ZNF775: variants seen among roughly 807,000 people sequenced by gnomAD.
ZNF775 encodes zinc finger protein 775.
A neutral mutation model predicts 2.4 loss-of-function variants in ZNF775; 1 was observed. That is an observed-to-expected ratio of 0.41 (90% CI 0.15 to 1.94). The LOEUF is 1.94. Among genes scored for constraint, ZNF775 ranks in the 30% most tolerant of loss-of-function variants. ZNF775 has a pLI of 0.30. For missense variants in ZNF775, 823 were observed against 826.6 expected, an observed-to-expected ratio of 1.00 and a Z score of 0.05; for synonymous variants, 381 against 373.3, an observed-to-expected ratio of 1.02 and a Z score of -0.24.
chr7:150,381,564 C>T (rs868789651), intron 1 of ZNF775, among the ~76,000 whole-genome samples: 1 of 150,334 alleles, frequency 6.7e-6, no homozygotes, highest in African/African-American at 2.5e-5. Flanking sequence ...CACCCCCCAC[C>T]GCCCCCGCCC....
At position 150,397,965 on chromosome 7, in the gene ZNF775, A is replaced by G. The variant is rs1486276304; in HGVS notation, c.1484A>G (p.Asn495Ser). Residue 495 changes from asparagine (N) to serine (S), a missense_variant, in exon 3 of 3, where the codon AAC (asparagine) becomes AGC (serine). Asn to Ser is a conservative substitution (Grantham distance 46). Transcript: ENST00000329630. Reference sequence around the variant, plus strand: ...CCCAACCTGACGCGGCACCGGCGCAACCACACAGGCGAGCGGCCCTACCTG... The same window carrying G: ...CCCAACCTGACGCGGCACCGGCGCAGCCACACAGGCGAGCGGCCCTACCTG... The part of the protein sequence containing the change: ...QKPNLTRHRR[N>S]HTGERPYLCP... The G allele has an allele frequency of 1.3e-6, 2 of 1,598,786 alleles. No individual in the cohort carries two copies. The highest frequency in any genetic ancestry group is 1.1e-5 in the South Asian group (1 of 90,704).
chr7:150,389,936 G>T (rs1205072077), intron 2 of ZNF775, among the ~76,000 whole-genome samples: 1 of 139,630 alleles, frequency 7.2e-6, no homozygotes, highest in East Asian at 2.3e-4. Context: ...CAAAATATAC[G>T]CAACACTTAC....
intron 1 of ZNF775, among the ~76,000 whole-genome samples, chr7:150,383,274 T>C (rs1800393886): frequency 6.6e-6 from 1 of 152,162 alleles, no homozygotes; most frequent in Non-Finnish European, 1.5e-5. Flanking sequence ...TCCTGAGGGA[T>C]TTCTTAATAG....
At chr7:150,386,978 G>A (rs978006701) in intron 1 of ZNF775, among the ~76,000 whole-genome samples, 1 of 152,172 alleles carries the variant, frequency 6.6e-6, no homozygotes, top group African/African-American at 2.4e-5. Flanking sequence ...GAAACGGGAG[G>A]TGGAGTTAGG....
chr7:150,380,621 G>A (rs1800344684), intron 1 of ZNF775, among the ~76,000 whole-genome samples: 1 of 152,240 alleles, frequency 6.6e-6, no homozygotes, highest in Non-Finnish European at 1.5e-5. Flanking sequence ...GATGGGGCGT[G>A]TCGGGGTGCA....
chr7:150,392,012 C>G (rs1016692825), intron 2 of ZNF775, among the ~76,000 whole-genome samples: 1 of 152,086 alleles, frequency 6.6e-6, no homozygotes, highest in African/African-American at 2.4e-5. Context: ...CTGCACCTGG[C>G]GGAAATTCCC....
chr7:150,398,223 T>C lies in ZNF775; in HGVS notation c.*128T>C. On this transcript the variant is annotated 3_prime_UTR_variant, in exon 3 of 3. Coordinates refer to ENST00000329630, the MANE Select transcript of ZNF775 (RefSeq NM_173680.4). ...GCGGGACCGGTGGATTCCTTAAGGCTCTGAAGGGCTGAGAACAGTTCTAGA... is the reference window on the plus strand; with the variant it reads ...GCGGGACCGGTGGATTCCTTAAGGCCCTGAAGGGCTGAGAACAGTTCTAGA... 1.4e-6 allele frequency: 2 copies of C among 1,387,658 alleles called. No individual in the cohort carries two copies. The highest frequency in any genetic ancestry group is 2.5e-5 in the East Asian group (1 of 39,710). The allele number at this position is 1,387,658 out of a possible 1,614,324, so 86.0% of individuals were successfully genotyped here.
chr7:150,381,656 T>C (rs1800363911), intron 1 of ZNF775, among the ~76,000 whole-genome samples: 1 of 149,178 alleles, frequency 6.7e-6, no homozygotes, highest in Non-Finnish European at 1.5e-5. Flanking sequence ...AGAAGGAAAG[T>C]GGTTTGCCTG....
chr7:150,380,723 GA>G (rs1243571661), intron 1 of ZNF775, among the ~76,000 whole-genome samples: 2 of 152,186 alleles, frequency 1.3e-5, no homozygotes, highest in African/African-American at 2.4e-5. Context: ...CTGGGTTTCT[GA>G]AAAACAACTC....
At position 150,391,134 on chromosome 7, in the gene ZNF775, C is replaced by T. The variant is rs969021953; in HGVS notation, c.31+2633C>T. The stretch of plus-strand genomic sequence containing the variant: ...AGCGTTTGTCTATTCTATATCTGCA[C>T]ATATTTTTTCCTGGACTTGCACTGT... On this transcript the variant is annotated intron_variant, in intron 2 of 2. Transcript: ENST00000329630. Among the ~76,000 whole-genome samples, 6 of 152,212 alleles carry T rather than the reference C, an allele frequency of 3.9e-5. No individual in the cohort carries two copies. In the South Asian group the frequency reaches 6.2e-4, roughly 16 times the overall value.
Position 150,397,825 on chromosome 7 carries a change from C to A in ZNF775, c.1344C>A (p.Cys448Ter). 1 of 1,597,858 alleles carries A rather than the reference C, an allele frequency of 6.3e-7. No homozygotes were observed. ...AGPGEPRQFI[C>*]NECGKSFSWW... ...CTGGCGAGCCGCGCCAGTTCATCTGCAACGAGTGCGGCAAGAGCTTCTCGT... is the reference window on the plus strand; with the variant it reads ...CTGGCGAGCCGCGCCAGTTCATCTGAAACGAGTGCGGCAAGAGCTTCTCGT... Residue 448 changes from cysteine (C) to a stop codon, truncating the protein, a stop_gained, in exon 3 of 3, where the codon TGC becomes TGA. Coordinates refer to ENST00000329630, the MANE Select transcript of ZNF775 (RefSeq NM_173680.4). LOFTEE classifies it low-confidence loss of function (END_TRUNC).
rs1436544826 is a variant in ZNF775, at chr7:150,397,680, C to T, written c.1199C>T (p.Pro400Leu). Reference protein sequence around the residue: ...VAEPAVPAGEPGDQPQAEAIP... With the variant: ...VAEPAVPAGELGDQPQAEAIP... Reference sequence around the variant, plus strand: ...GAGCCCGCCGTTCCGGCCGGGGAACCGGGCGACCAGCCGCAGGCCGAGGCC... The same window carrying T: ...GAGCCCGCCGTTCCGGCCGGGGAACTGGGCGACCAGCCGCAGGCCGAGGCC... The change falls in exon 3 of 3, where the codon CCG (proline) becomes CTG (leucine). Residue 400 changes from proline to leucine, a missense_variant. Transcript: ENST00000329630. The T allele has an allele frequency of 5.2e-6, 7 of 1,338,118 alleles. No individual in the cohort carries two copies. The highest frequency in any genetic ancestry group is 3.4e-5 in the South Asian group (2 of 58,682). The allele number at this position is 1,338,118 out of a possible 1,614,324, so 82.9% of individuals were successfully genotyped here. A position where few individuals can be genotyped will look rare whatever the true frequency, so the allele number is the denominator to read the frequency against.
intron 1 of ZNF775, among the ~76,000 whole-genome samples, chr7:150,387,525 AAAAG>A (rs957943469): frequency 7.3e-5 from 11 of 151,436 alleles, no homozygotes; most frequent in Non-Finnish European, 1.2e-4. Flanking sequence ...TAAAAACAAA[AAAAG>A]AAGGCCGGGC....
In ZNF775 at chr7:150,397,579, G is replaced by T. The variant is rs919346370; in HGVS notation, c.1098G>T (p.Ala366=). The change falls in exon 3 of 3, where the codon GCG becomes GCT. Residue 366 remains alanine, a synonymous_variant. Coordinates refer to ENST00000329630, the MANE Select transcript of ZNF775 (RefSeq NM_173680.4). ...CGCACCTGCCCGGCGCCCAGGCTGC[G>T]CCCTGCCCCAGCTGCGGTAAGAGCT... ...LRTHLPGAQA[A]PCPSCGKSCR... is the part of the protein sequence containing the mutation. 1 of 1,485,888 alleles carries T rather than the reference G, an allele frequency of 6.7e-7. No individual in the cohort carries two copies. Among genetic ancestry groups the T allele is most frequent in the Non-Finnish European group, 8.9e-7 (1 of 1,126,066 alleles). 92.0% of individuals were successfully genotyped at this position (1,485,888 alleles called of 1,614,324 possible). A position where few individuals can be genotyped will look rare whatever the true frequency, so the allele number is the denominator to read the frequency against.
rs141838414 is a variant in ZNF775 at position 150,382,542 on chromosome 7, G to C, written c.-50+3150G>C. 1.2e-4 allele frequency among the ~76,000 whole-genome samples: 18 copies of C among 152,254 alleles called. No homozygotes were observed. In the East Asian group the frequency reaches 3.5e-3, roughly 29 times the overall value. ...CCAGCCTCAGGCAGTGGGCTTCTAGGGGGAGACTAGGGCTGAGGAGCCAGC... is the reference window on the plus strand; with the variant it reads ...CCAGCCTCAGGCAGTGGGCTTCTAGCGGGAGACTAGGGCTGAGGAGCCAGC... On this transcript the variant is annotated intron_variant, in intron 1 of 2. Coordinates refer to ENST00000329630, the MANE Select transcript of ZNF775 (RefSeq NM_173680.4). The surrounding 1 kb of genome is among the most constrained non-coding windows in gnomAD (Gnocchi z 4.6).
chr7:150,384,239 G>A lies in ZNF775; in HGVS notation c.-49-4183G>A, dbSNP rs142704491. ...AGCAGAGAGGAAAGGTGGTCCGGTA[G>A]GGGCCCGGGGGCCCTTGTGCGATAG... On this transcript the variant is annotated intron_variant, in intron 1 of 2. Transcript: ENST00000329630. The surrounding 1 kb of genome is among the most constrained non-coding windows in gnomAD (Gnocchi z 4.1). Among the ~76,000 whole-genome samples the A allele has an allele frequency of 6.6e-6, 1 of 152,252 alleles. No homozygotes were observed. Among genetic ancestry groups the A allele is most frequent in the Non-Finnish European group, 1.5e-5 (1 of 68,040 alleles).
chr7:150,388,585 G>T, intron 2 of ZNF775, 84 bp downstream of exon 2: 1 of 1,493,634 alleles, frequency 6.7e-7, no homozygotes, highest in East Asian at 2.5e-5. Context: ...AGCCAGGCGC[G>T]AGCCAGTGCC....
chr7:150,383,285 T>C (rs1393351214), intron 1 of ZNF775, among the ~76,000 whole-genome samples: 1 of 152,188 alleles, frequency 6.6e-6, no homozygotes, highest in Non-Finnish European at 1.5e-5. Flanking sequence ...TTCTTAATAG[T>C]GACAGAAGAC....
chr7:150,387,139 A>G (rs1487602610), intron 1 of ZNF775, among the ~76,000 whole-genome samples: 1 of 152,020 alleles, frequency 6.6e-6, no homozygotes, highest in Non-Finnish European at 1.5e-5. Context: ...TACTAAAAAT[A>G]CAAAAATTAG....
Sources: allele counts gnomAD v4.1 joint callset (sites outside exome capture counted in the v4.1 genomes callset), GRCh38; gene constraint gnomAD v4.1.1; non-coding constraint Gnocchi (gnomAD v3.1); transcripts MANE v1.5; gene names NCBI Gene and HGNC (gene_info 2026-07-23, HGNC 2026-07-21).